Variants in NUP107 observed in about 807,000 individuals in gnomAD.
NUP107 encodes nuclear pore complex protein Nup107.
A neutral mutation model predicts 141.0 loss-of-function variants in NUP107; 101 were observed. The observed-to-expected ratio is 0.72, with a 90% CI of 0.61 to 0.84. The LOEUF (loss-of-function observed/expected upper bound fraction) is 0.84, where lower values mean the gene tolerates loss of function less well. Ranked by LOEUF, NUP107 falls within the 40% of genes least tolerant of loss-of-function variation. NUP107 has a pLI of 0.00. For missense variants in NUP107, 941 were observed against 1,102.7 expected, an observed-to-expected ratio of 0.85 and a Z score of 2.08; for synonymous variants, 319 against 363.9, an observed-to-expected ratio of 0.88 and a Z score of 1.41.
chr12:68,736,789 C>A (rs1474499797), intron 26 of NUP107, among the ~76,000 whole-genome samples: 1 of 137,864 alleles, frequency 7.3e-6, no homozygotes, highest in Non-Finnish European at 1.5e-5. Context: ...ATGGCACAAT[C>A]TTGGCTCGCC....
At chr12:68,738,335 A>G (rs1878165028) in intron 26 of NUP107, among the ~76,000 whole-genome samples, 1 of 151,784 alleles carries the variant, frequency 6.6e-6, no homozygotes, top group South Asian at 2.1e-4. Flanking sequence ...CTGTAATCCC[A>G]GCTACTAGGG....
chr12:68,721,903 C>T lies in NUP107; in HGVS notation c.1374C>T (p.Asp458=). 6.2e-7 allele frequency: 1 copy of T among 1,614,070 alleles called. No homozygotes were observed. Among genetic ancestry groups the T allele is most frequent in the African/African-American group, 1.3e-5 (1 of 75,030 alleles). ...GGGCCTACTTCCGGGTGATGGTGGA[C>T]AGTCTGGTAGAACAGGAGATCCAGA... ...TVWAYFRVMV[D]SLVEQEIQTS... The change falls in exon 16 of 28, where the codon GAC becomes GAT. Residue 458 remains aspartate, a synonymous_variant. Coordinates refer to ENST00000229179, the MANE Select transcript of NUP107 (RefSeq NM_020401.4).
chr12:68,695,187 C>T (rs1875991761), intron 5 of NUP107, among the ~76,000 whole-genome samples: 1 of 152,180 alleles, frequency 6.6e-6, no homozygotes, highest in Admixed American at 6.5e-5. Context: ...TAAAATAGTA[C>T]AGCTGCTATG....
In NUP107 at chr12:68,722,095, C is replaced by G. The variant is rs1877379200; in HGVS notation, c.1458-9C>G. 1.9e-6 allele frequency: 3 copies of G among 1,612,542 alleles called. No individual in the cohort carries two copies. Among genetic ancestry groups the G allele is most frequent in the South Asian group, 1.1e-5 (1 of 90,676 alleles). The stretch of plus-strand genomic sequence containing the variant: ...TAACATTATTCTTTTCCCGTTGTTT[C>G]TTTTGAAGCTGGACGTTAGAAAAGG... On this transcript the variant is annotated splice_polypyrimidine_tract_variant and intron_variant, in intron 16 of 27. Transcript: ENST00000229179.
intron 5 of NUP107, among the ~76,000 whole-genome samples, chr12:68,692,780 C>A (rs538299113): frequency 1.4e-5 from 2 of 145,662 alleles, no homozygotes; most frequent in African/African-American, 5.0e-5. Flanking sequence ...GATGGAGTCT[C>A]GCTCTGTCAC....
intron 8 of NUP107, among the ~76,000 whole-genome samples, chr12:68,704,837 CT>C (rs1378266677): frequency 1.3e-5 from 2 of 151,822 alleles, no homozygotes; most frequent in African/African-American, 2.4e-5. Flanking sequence ...TTATGTATAT[CT>C]GTTAGACTGC....
rs1184785168 is a variant in NUP107, at chr12:68,741,800, T to C, written c.2503-13T>C. ...TTAAATTGTTAAAATGATTTATTGA[T>C]GTCTGTTTGTAGGATGCCAAAGAAG... is the stretch of plus-strand genomic sequence containing the variant. On this transcript the variant is annotated splice_polypyrimidine_tract_variant and intron_variant, in intron 26 of 27. Coordinates refer to ENST00000229179, the MANE Select transcript of NUP107 (RefSeq NM_020401.4). 7 of 1,604,060 alleles carry C rather than the reference T, an allele frequency of 4.4e-6. 1 individual carries two copies. The Middle Eastern group carries it at 6.6e-4, about 152-fold the overall frequency.
intron 20 of NUP107, 50 bp from the exon 21 acceptor site, chr12:68,731,060 A>G (rs1387149065): frequency 7.7e-7 from 1 of 1,296,888 alleles, no homozygotes; most frequent in African/African-American, 1.5e-5. Context: ...ATTTTGAAGT[A>G]TACTTTTAAT....
Position 68,742,889 on chromosome 12 carries a change from GA to G in NUP107, c.*429del, listed in dbSNP as rs1338623534. The G allele has an allele frequency of 6.6e-6, 1 of 152,066 alleles. No individual in the cohort carries two copies. Among genetic ancestry groups the G allele is most frequent in the African/African-American group, 2.4e-5 (1 of 41,412 alleles). The allele number at this position is 152,066 out of a possible 1,614,324, so 9.4% of individuals were successfully genotyped here. A position where few individuals can be genotyped will look rare whatever the true frequency, so the allele number is the denominator to read the frequency against. On this transcript the variant is annotated 3_prime_UTR_variant, in exon 28 of 28. Coordinates refer to ENST00000229179, the MANE Select transcript of NUP107 (RefSeq NM_020401.4). ...AAAATTAAGAAGATGACTATAACAA[GA>G]ATTTTTCTAACATAACATGCTATTA...
intron 8 of NUP107, among the ~76,000 whole-genome samples, chr12:68,703,053 C>G (rs1255951592): frequency 6.6e-6 from 1 of 151,974 alleles, no homozygotes; most frequent in Non-Finnish European, 1.5e-5. Flanking sequence ...ATCATGTTGG[C>G]CAAGCTGGTC....
chr12:68,694,853 A>G (rs973120280), intron 5 of NUP107, among the ~76,000 whole-genome samples: 1 of 152,230 alleles, frequency 6.6e-6, no homozygotes, highest in South Asian at 2.1e-4. Context: ...GTGAGCTGAG[A>G]TCATGCCATT....
chr12:68,688,893 T>C, intron 1 of NUP107, 69 bp from the exon 2 acceptor site: 2 of 1,192,958 alleles, frequency 1.7e-6, no homozygotes, highest in Non-Finnish European at 1.2e-6. Context: ...ACTCCAACTG[T>C]GATGATAAAA....
chr12:68,737,001 C>T (rs561366942), intron 26 of NUP107, among the ~76,000 whole-genome samples: 3 of 152,140 alleles, frequency 2.0e-5, no homozygotes, highest in African/African-American at 7.2e-5. Context: ...CTGCGCCCAG[C>T]CAAGTCTCCA....
In NUP107 at chr12:68,721,109, G is replaced by A; in HGVS notation, c.1252-9G>A. On this transcript the variant is annotated splice_polypyrimidine_tract_variant and intron_variant, in intron 14 of 27. Coordinates refer to ENST00000229179, the MANE Select transcript of NUP107 (RefSeq NM_020401.4). ...TATTTCAAATTTGTTTATATTCATT[G>A]TGTTTTAGGAGCTTTTTAATAGATA... is the stretch of plus-strand genomic sequence containing the variant. 6.4e-7 allele frequency: 1 copy of A among 1,563,730 alleles called. No homozygotes were observed. The highest frequency in any genetic ancestry group is 1.2e-5 in the South Asian group (1 of 86,568).
intron 11 of NUP107, 56 bp downstream of exon 11, chr12:68,713,864 G>GTTA: frequency 7.1e-7 from 1 of 1,403,814 alleles, no homozygotes; most frequent in Non-Finnish European, 9.9e-7. Context: ...TTTTTTTTCA[G>GTTA]GCTGAGAATT....
At chr12:68,715,870 C>T (rs894847521) in intron 12 of NUP107, 130 bp downstream of exon 12, 4 of 550,248 alleles carry the variant, frequency 7.3e-6, no homozygotes, top group African/African-American at 1.9e-5. Context: ...CTAGATCTAA[C>T]TTCCTGTTCG....
At chr12:68,739,999 T>C (rs1878256331) in intron 26 of NUP107, 1 of 152,226 alleles carries the variant, frequency 6.6e-6, no homozygotes, top group Admixed American at 6.5e-5. Context: ...GCTGGGTCTG[T>C]CAGCCATTAC....
chr12:68,697,006 T>A, intron 6 of NUP107, 84 bp downstream of exon 6: 1 of 777,112 alleles, frequency 1.3e-6, no homozygotes, highest in Non-Finnish European at 2.1e-6. Context: ...TCATAGTGTT[T>A]AAGGGAGGTG....
Position 68,744,783 on chromosome 12 carries a change from A to T in NUP107, c.*2321A>T, listed in dbSNP as rs1369972807. 6.6e-6 allele frequency: 1 copy of T among 152,234 alleles called. No homozygotes were observed. Among genetic ancestry groups the T allele is most frequent in the Non-Finnish European group, 1.5e-5 (1 of 68,048 alleles). 9.4% of individuals were successfully genotyped at this position (152,234 alleles called of 1,614,324 possible). On this transcript the variant is annotated 3_prime_UTR_variant, in exon 28 of 28. Transcript: ENST00000229179. Reference sequence around the variant, plus strand: ...CCAAGAGTGCCAATGTGCTCCTCACAATTCCCAAATGCCTCTCTTCCTGAA... The same window carrying T: ...CCAAGAGTGCCAATGTGCTCCTCACTATTCCCAAATGCCTCTCTTCCTGAA...
Sources: gnomAD v4.1 joint callset for allele counts (sites outside exome capture counted in the v4.1 genomes callset) on GRCh38, gnomAD v4.1.1 for gene constraint, MANE v1.5 for transcripts, NCBI Gene and HGNC (gene_info 2026-07-23, HGNC 2026-07-21) for gene names.